Variants in NEMP1 observed in about 807,000 individuals in gnomAD.
NEMP1 encodes the protein transmembrane protein 194.
NEMP1 carries 29 observed loss-of-function variants against 53.7 expected under a neutral mutation model. The ratio of observed to expected loss-of-function variants is 0.54; its 90% CI spans 0.40 to 0.74. The LOEUF is 0.74. NEMP1 is among the 30% of genes least tolerant of loss of function. The pLI, the probability that NEMP1 is intolerant of heterozygous loss-of-function variation, is 0.00. For synonymous variants in NEMP1, 193 were observed against 192.9 expected (o/e 1.00, Z 0.00); for missense variants, 477 against 528.6 (o/e 0.90, Z 0.96).
chr12:57,060,017 A>G lies in NEMP1; in HGVS notation c.1197T>C (p.Asn399=), dbSNP rs373278431. ...FVEGSSHLTP[N]EVSVHEQEYG... ...ACTCCTGCTCATGGACAGAAACTTC[A>G]TTTGGCGTGAGGTGGGAAGAGCCTT... The change falls in exon 9 of 9, where the codon AAT becomes AAC. Residue 399 remains asparagine, a synonymous_variant. Coordinates refer to ENST00000300128, the MANE Select transcript of NEMP1 (RefSeq NM_001130963.2). 6.3e-5 allele frequency: 101 copies of G among 1,613,982 alleles called. No homozygotes were observed. Among genetic ancestry groups the G allele is most frequent in the Non-Finnish European group, 7.8e-5 (92 of 1,179,988 alleles).
intron 1 of NEMP1, among the ~76,000 whole-genome samples, chr12:57,073,396 T>C (rs1048809778): frequency 6.6e-6 from 1 of 152,060 alleles, no homozygotes; most frequent in Non-Finnish European, 1.5e-5. Flanking sequence ...TCCCAGCACT[T>C]TGGGAGGCTG....
chr12:57,078,923 A>C (rs1056454312), upstream of NEMP1, among the ~76,000 whole-genome samples: 1 of 152,196 alleles, frequency 6.6e-6, no homozygotes, highest in Non-Finnish European at 1.5e-5. Flanking sequence ...AACTGAAGAG[A>C]GAGGGCGGGA....
At chr12:57,087,343 G>C (rs1424581655) in intron 1 of NEMP1, among the ~76,000 whole-genome samples, 1 of 152,166 alleles carries the variant, frequency 6.6e-6, no homozygotes, top group Non-Finnish European at 1.5e-5. Context: ...GAGGCTGCGT[G>C]GGCGGAGGAT....
chr12:57,056,490 G>GATAC lies in NEMP1; in HGVS notation c.*3385_*3388dup, dbSNP rs910854685. ...TGTGTCAAACTGTTCTCTTGTTTCA[G>GATAC]ATACAATTCTTGGCATTTCAATATA... On this transcript the variant is annotated 3_prime_UTR_variant, in exon 9 of 9. Transcript: ENST00000300128. 3 of 152,186 alleles carry GATAC rather than the reference G, an allele frequency of 2.0e-5. No individual in the cohort carries two copies. The highest frequency in any genetic ancestry group is 2.9e-5 in the Non-Finnish European group (2 of 68,028). The allele number at this position is 152,186 out of a possible 1,614,324, so 9.4% of individuals were successfully genotyped here.
chr12:57,069,202 G>A (rs753903484), intron 4 of NEMP1, 32 bp downstream of exon 4: 22 of 1,470,618 alleles, frequency 1.5e-5, no homozygotes, highest in South Asian at 3.9e-5. Context: ...GGTATGAGCC[G>A]TTTCATTCTG....
chr12:57,076,315 T>C (rs1018928849), intron 1 of NEMP1, among the ~76,000 whole-genome samples: 4 of 151,636 alleles, frequency 2.6e-5, no homozygotes, highest in African/African-American at 9.7e-5. Flanking sequence ...CAGTGAGCTA[T>C]GATTGTGCAC....
At chr12:57,078,873 A>G, upstream of NEMP1, 1 of 1,085,116 alleles carries the variant, frequency 9.2e-7, no homozygotes, top group Non-Finnish European at 1.3e-6. Flanking sequence ...GGCTTCGAGC[A>G]CCCAGCCCTC....
At chr12:57,070,302 C>T (rs2032285005) in intron 3 of NEMP1, among the ~76,000 whole-genome samples, 1 of 152,206 alleles carries the variant, frequency 6.6e-6, no homozygotes. Flanking sequence ...TAGGCATGTA[C>T]ACATCAGACA....
chr12:57,080,724 C>T (rs1246086675), upstream of NEMP1, among the ~76,000 whole-genome samples: 5 of 152,014 alleles, frequency 3.3e-5, no homozygotes, highest in Admixed American at 2.0e-4. Flanking sequence ...AACCCTATCT[C>T]TAATAAAAAT....
chr12:57,081,071 G>A (rs1456696696), upstream of NEMP1, among the ~76,000 whole-genome samples: 2 of 152,022 alleles, frequency 1.3e-5, no homozygotes, highest in African/African-American at 4.8e-5. Flanking sequence ...ATGTACCCTT[G>A]ATAACATGAG....
At chr12:57,084,045 T>A (rs1023278630) in intron 1 of NEMP1, among the ~76,000 whole-genome samples, 2 of 152,084 alleles carry the variant, frequency 1.3e-5, no homozygotes, top group Non-Finnish European at 2.9e-5. Flanking sequence ...TCACTGCAAC[T>A]TCTGCTTCCC....
In NEMP1 at chr12:57,060,846, C is replaced by A; in HGVS notation, c.1080G>T (p.Glu360Asp). The A allele has an allele frequency of 6.2e-7, 1 of 1,614,170 alleles. No individual in the cohort carries two copies. The highest frequency in any genetic ancestry group is 8.5e-7 in the Non-Finnish European group (1 of 1,180,024). Reference protein sequence around the residue: ...QGEVETRKALEELREFCNSPD... With the variant: ...QGEVETRKALDELREFCNSPD... ...GACTGTTACAAAATTCTCGGAGCTCCTCTAAAGCCTTTCGGGTTTCTACCT... is the reference window on the plus strand; with the variant it reads ...GACTGTTACAAAATTCTCGGAGCTCATCTAAAGCCTTTCGGGTTTCTACCT... The change falls in exon 8 of 9, where the codon GAG becomes GAT. Residue 360 changes from glutamate to aspartate, a missense_variant. Coordinates refer to ENST00000300128, the MANE Select transcript of NEMP1 (RefSeq NM_001130963.2).
intron 1 of NEMP1, among the ~76,000 whole-genome samples, chr12:57,087,384 G>A (rs2136535609): frequency 6.6e-6 from 1 of 152,186 alleles, no homozygotes; most frequent in African/African-American, 2.4e-5. Flanking sequence ...GCTGGGGGAG[G>A]GAGGGGGCAC....
At chr12:57,068,106 CTGTT>C (rs1229960060) in intron 4 of NEMP1, among the ~76,000 whole-genome samples, 3 of 152,012 alleles carry the variant, frequency 2.0e-5, no homozygotes, top group Non-Finnish European at 4.4e-5. Context: ...TTATTCCTCC[CTGTT>C]TCTCTCAGCA....
At chr12:57,070,547 C>T (rs2032295175) in intron 3 of NEMP1, 127 bp downstream of exon 3, 2 of 736,298 alleles carry the variant, frequency 2.7e-6, no homozygotes, top group South Asian at 3.8e-5. Context: ...CAGTGGTATA[C>T]TCAGGGTTAT....
At chr12:57,088,598 G>A (rs535961284), upstream of NEMP1, among the ~76,000 whole-genome samples, 4 of 152,174 alleles carry the variant, frequency 2.6e-5, no homozygotes. Context: ...GTGCACGTCC[G>A]TGCGCTTCTG....
upstream of NEMP1, among the ~76,000 whole-genome samples, chr12:57,083,745 G>A (rs148612436): frequency 1.6e-3 from 241 of 152,252 alleles, no homozygotes; most frequent in African/African-American, 5.6e-3. Context: ...TTCAGATTAG[G>A]TTTTATTGTC....
At chr12:57,064,608 A>C (rs779812205) in intron 5 of NEMP1, 38 bp downstream of exon 5, 1 of 1,503,618 alleles carries the variant, frequency 6.7e-7, no homozygotes, top group Admixed American at 1.8e-5. Context: ...CAGCTATCCA[A>C]ATTCATTCTA....
At chr12:57,088,093 A>G (rs1026013059), upstream of NEMP1, 3 of 152,198 alleles carry the variant, frequency 2.0e-5, no homozygotes, top group African/African-American at 7.2e-5. Flanking sequence ...ATCTTCCACT[A>G]GACTCTCGGG....
Sources: allele counts gnomAD v4.1 joint callset (sites outside exome capture counted in the v4.1 genomes callset), GRCh38; gene constraint gnomAD v4.1.1; transcripts MANE v1.5; gene names NCBI Gene and HGNC (gene_info 2026-07-23, HGNC 2026-07-21).